The following FOXN3 variants were observed in gnomAD, a reference collection of about 807,000 sequenced individuals.
The protein encoded by FOXN3 is forkhead box N3, also known as forkhead box protein N3.
FOXN3 carries 7 observed loss-of-function variants against 38.4 expected under a neutral mutation model. That is an observed-to-expected ratio of 0.18 (90% confidence interval 0.10 to 0.34). The LOEUF is 0.34. Ranked by LOEUF, FOXN3 falls within the 10% of genes least tolerant of loss-of-function variation. FOXN3 has a pLI of 1.00. For missense variants in FOXN3, 456 were observed against 613.4 expected (o/e 0.74, Z 2.71); for synonymous variants, 230 against 242.2 (o/e 0.95, Z 0.47).
intron 1 of FOXN3, among the ~76,000 whole-genome samples, chr14:89,475,103 C>T (rs1417673953): frequency 6.6e-5 from 10 of 152,072 alleles, no homozygotes; most frequent in South Asian, 4.1e-4. Context: ...CGTGAGCCAC[C>T]GCGCCCGGCC....
intron 1 of FOXN3, among the ~76,000 whole-genome samples, chr14:89,446,087 C>CA (rs576883864): frequency 0.085 from 3,372 of 39,854 alleles, 282 homozygotes; most frequent in African/African-American, 0.13. Context: ...GACCCTGCCT[C>CA]AAAAAAAAAA....
chr14:89,291,366 T>A, intron 3 of FOXN3: 4 of 587,956 alleles, frequency 6.8e-6, no homozygotes, highest in Non-Finnish European at 1.3e-5. Flanking sequence ...TGTAACACCC[T>A]TTCTGCATAA....
At chr14:89,505,354 C>G in intron 1 of FOXN3, among the ~76,000 whole-genome samples, 1 of 148,298 alleles carries the variant, frequency 6.7e-6, no homozygotes, top group East Asian at 2.1e-4. Flanking sequence ...GCTGCCATCT[C>G]GGCTCACTGC....
intron 3 of FOXN3, among the ~76,000 whole-genome samples, chr14:89,309,694 C>G (rs1255097958): frequency 2.0e-5 from 3 of 152,152 alleles, no homozygotes; most frequent in African/African-American, 7.2e-5. Flanking sequence ...GCCTCTACAG[C>G]AGATTCCCAC....
chr14:89,450,423 A>C (rs1892591238), intron 1 of FOXN3, among the ~76,000 whole-genome samples: 1 of 152,152 alleles, frequency 6.6e-6, no homozygotes. Context: ...ACCTAGTATA[A>C]AATGTGCCTC....
chr14:89,551,398 CTTCA>C (rs1895002952), intron 1 of FOXN3, among the ~76,000 whole-genome samples: 1 of 152,018 alleles, frequency 6.6e-6, no homozygotes, highest in East Asian at 1.9e-4. Flanking sequence ...TCCACTATCC[CTTCA>C]ACCCGTCCCT....
chr14:89,229,461 C>G (rs547611110), intron 4 of FOXN3, among the ~76,000 whole-genome samples: 88 of 152,100 alleles, frequency 5.8e-4, no homozygotes, highest in Non-Finnish European at 1.0e-3. Flanking sequence ...ACATGAGGGA[C>G]AGAAAAGAAC....
chr14:89,460,351 G>A (rs998699897), intron 1 of FOXN3, among the ~76,000 whole-genome samples: 10 of 152,084 alleles, frequency 6.6e-5, no homozygotes, highest in Admixed American at 2.6e-4. Flanking sequence ...AACAGGAATC[G>A]CTCTCCGCTC....
intron 4 of FOXN3, among the ~76,000 whole-genome samples, chr14:89,216,464 A>G (rs1884285817): frequency 6.6e-6 from 1 of 152,124 alleles, no homozygotes; most frequent in Non-Finnish European, 1.5e-5. Flanking sequence ...CCGGGTGCCC[A>G]ACATTTAGTG....
chr14:89,423,223 T>A (rs912615113), intron 1 of FOXN3, among the ~76,000 whole-genome samples: 16 of 152,168 alleles, frequency 1.1e-4, no homozygotes, highest in African/African-American at 3.9e-4. Flanking sequence ...GGCGCAGTGG[T>A]TAGACACAGA....
chr14:89,419,247 TG>T, upstream of FOXN3: 4 of 454,388 alleles, frequency 8.8e-6, 1 homozygote, highest in Admixed American at 9.5e-5. Flanking sequence ...GACACATGTC[TG>T]CCTGTCGGTC....
intron 4 of FOXN3, among the ~76,000 whole-genome samples, chr14:89,215,819 G>GA (rs145565437): frequency 0.018 from 2,777 of 152,298 alleles, 84 homozygotes; most frequent in African/African-American, 0.063. Context: ...CAAGACAGCT[G>GA]AAAATTTGAT....
At chr14:89,414,353 A>G (rs72703631) in intron 1 of FOXN3, among the ~76,000 whole-genome samples, 15,200 of 151,966 alleles carry the variant, frequency 0.1, 937 homozygotes, top group South Asian at 0.3. Context: ...TATGTCTCTT[A>G]AATGTTCATT....
At chr14:89,282,082 A>G (rs1886481832) in intron 3 of FOXN3, among the ~76,000 whole-genome samples, 1 of 152,118 alleles carries the variant, frequency 6.6e-6, no homozygotes, top group Non-Finnish European at 1.5e-5. Context: ...AGAAATGCCA[A>G]TGACACATTC....
At chr14:89,350,645 C>CA (rs758853790) in intron 3 of FOXN3, 27 bp downstream of exon 3, 132 of 1,475,840 alleles carry the variant, frequency 8.9e-5, no homozygotes, top group South Asian at 2.7e-4. Context: ...TTCAGTAGAC[C>CA]AAAAAAAAGA....
intron 1 of FOXN3, among the ~76,000 whole-genome samples, chr14:89,450,589 C>T (rs1223007945): frequency 1.7e-5 from 2 of 119,698 alleles, no homozygotes; most frequent in African/African-American, 6.7e-5. Flanking sequence ...CTTCATCTTT[C>T]CTTTTTTTTT....
rs149106341 is a variant in FOXN3 at position 89,610,686 on chromosome 14, T to A, written c.-15+8342A>T. Among the ~76,000 whole-genome samples the A allele has an allele frequency of 1.3e-4, 20 of 152,326 alleles. No homozygotes were observed. In the East Asian group the frequency reaches 3.9e-3, roughly 29 times the overall value. ...AGCCACATTTGGGGATATTTCCAGT[T>A]AAGAAACCTATGAGAATTACAGAAC... is the stretch of plus-strand genomic sequence containing the variant. On this transcript the variant is annotated intron_variant, in intron 1 of 6. Transcript: ENST00000345097.
At chr14:89,579,648 T>C (rs1172320367) in intron 1 of FOXN3, among the ~76,000 whole-genome samples, 1 of 151,950 alleles carries the variant, frequency 6.6e-6, no homozygotes, top group Non-Finnish European at 1.5e-5. Context: ...TCCTTCTTCC[T>C]GTTCCTCAGA....
chr14:89,193,930 T>G (rs554655339), intron 4 of FOXN3, among the ~76,000 whole-genome samples: 3 of 152,238 alleles, frequency 2.0e-5, no homozygotes, highest in Non-Finnish European at 4.4e-5. Flanking sequence ...CATTTTTATT[T>G]CCCTAATGAC....
Sources: gnomAD v4.1 joint callset for allele counts (sites outside exome capture counted in the v4.1 genomes callset) on GRCh38, gnomAD v4.1.1 for gene constraint, MANE v1.5 for transcripts, NCBI Gene and HGNC (gene_info 2026-07-23, HGNC 2026-07-21) for gene names.